Variants in PEPD observed in about 807,000 individuals in gnomAD.
The protein encoded by PEPD is peptidase D.
A neutral mutation model predicts 60.7 loss-of-function variants in PEPD; 53 were observed. The observed-to-expected ratio is 0.87, with a 90% CI of 0.70 to 1.10. The LOEUF is 1.10. Among genes scored for constraint, PEPD ranks in the 50% least tolerant of loss-of-function variants. The pLI, the probability that PEPD is intolerant of heterozygous loss-of-function variation, is 0.00. For missense variants in PEPD, 711 were observed against 711.9 expected (o/e 1.00, Z 0.01); for synonymous variants, 267 against 284.1 (o/e 0.94, Z 0.60).
chr19:33,460,737 C>T (rs1969910442), intron 9 of PEPD, among the ~76,000 whole-genome samples: 1 of 152,114 alleles, frequency 6.6e-6, no homozygotes, highest in Admixed American at 6.5e-5. Context: ...CACGCTGACC[C>T]GATGCCACTC....
At chr19:33,489,041 C>CA (rs1970448341) in intron 6 of PEPD, among the ~76,000 whole-genome samples, 1 of 152,124 alleles carries the variant, frequency 6.6e-6, no homozygotes. Flanking sequence ...CCAGCCAGTC[C>CA]AGGGACCCAA....
Position 33,500,966 on chromosome 19 carries a change from G to A in PEPD, c.365C>T (p.Ala122Val), listed in dbSNP as rs868492842. The change falls in exon 4 of 15, where the codon GCC (alanine) becomes GTC (valine). Residue 122 changes from alanine (A) to valine (V), a missense_variant. By Grantham distance (64) the Ala-to-Val change is moderately conservative (BLOSUM62 0). Coordinates refer to ENST00000244137, the MANE Select transcript of PEPD (RefSeq NM_000285.4). ...HSKEHFKEKYAVDDVQYVDEI... is the reference protein window; with the variant it reads ...HSKEHFKEKYVVDDVQYVDEI... ...ATCTACGTACTGGACGTCGTCCACG[G>A]CATACTTCTCCTTGAAGTGCTCCTT... is the stretch of plus-strand genomic sequence containing the variant. The A allele has an allele frequency of 6.2e-7, 1 of 1,604,708 alleles. No homozygotes were observed. Among genetic ancestry groups the A allele is most frequent in the South Asian group, 1.1e-5 (1 of 90,876 alleles).
At chr19:33,453,872 T>C (rs1160202211) in intron 9 of PEPD, among the ~76,000 whole-genome samples, 1 of 152,208 alleles carries the variant, frequency 6.6e-6, no homozygotes, top group Non-Finnish European at 1.5e-5. Flanking sequence ...AACACTAGTC[T>C]CTGGGGACCA....
At chr19:33,408,308 T>A (rs771864381) in intron 11 of PEPD, among the ~76,000 whole-genome samples, 2 of 152,228 alleles carry the variant, frequency 1.3e-5, no homozygotes, top group Non-Finnish European at 2.9e-5. Context: ...GAAGTGGGCA[T>A]CAGGGCCTGG....
At chr19:33,483,597 C>T (rs1302403695) in intron 6 of PEPD, among the ~76,000 whole-genome samples, 1 of 152,180 alleles carries the variant, frequency 6.6e-6, no homozygotes, top group Non-Finnish European at 1.5e-5. Context: ...ATCACTTGAG[C>T]CCAGGAGTTC....
intron 9 of PEPD, among the ~76,000 whole-genome samples, chr19:33,423,699 A>T (rs1288507411): frequency 2.6e-5 from 4 of 152,160 alleles, no homozygotes. Flanking sequence ...TCCTTAAGGG[A>T]TTTATACAGG....
At chr19:33,414,034 A>G (rs1286632694) in intron 9 of PEPD, among the ~76,000 whole-genome samples, 2 of 152,182 alleles carry the variant, frequency 1.3e-5, no homozygotes, top group Non-Finnish European at 2.9e-5. Context: ...GGAGGAAGTG[A>G]TTCCCTGTGA....
intron 9 of PEPD, among the ~76,000 whole-genome samples, chr19:33,446,496 C>A (rs1490046087): frequency 1.3e-5 from 2 of 152,216 alleles, no homozygotes; most frequent in Non-Finnish European, 2.9e-5. Context: ...GGGATCATGA[C>A]ACTTGCCCAG....
chr19:33,393,018 G>A (rs1968262646), intron 12 of PEPD, among the ~76,000 whole-genome samples: 1 of 152,144 alleles, frequency 6.6e-6, no homozygotes, highest in Non-Finnish European at 1.5e-5. Flanking sequence ...ACAGCACAGC[G>A]CCCCAGCCAC....
At chr19:33,395,554 C>A (rs1968339851) in intron 12 of PEPD, among the ~76,000 whole-genome samples, 1 of 152,176 alleles carries the variant, frequency 6.6e-6, no homozygotes, top group African/African-American at 2.4e-5. Flanking sequence ...CAGGTGTGGC[C>A]AGCGTAGCCC....
Position 33,511,101 on chromosome 19 carries a change from T to C in PEPD, c.256A>G (p.Ile86Val). Residue 86 changes from isoleucine (I) to valine (V), a missense_variant, in exon 3 of 15, where the codon ATC becomes GTC. Coordinates refer to ENST00000244137, the MANE Select transcript of PEPD (RefSeq NM_000285.4). Reference protein sequence around the residue: ...GVTEPGCYGVIDVDTGKSTLF... With the variant: ...GVTEPGCYGVVDVDTGKSTLF... ...GTCGACTTCCCAGTGTCAACATCGA[T>C]GACACCATAGCAGCCTGGCTCAGTG... is the stretch of plus-strand genomic sequence containing the variant. 6.2e-7 allele frequency: 1 copy of C among 1,614,050 alleles called. No homozygotes were observed. The highest frequency in any genetic ancestry group is 8.5e-7 in the Non-Finnish European group (1 of 1,179,922).
intron 4 of PEPD, among the ~76,000 whole-genome samples, chr19:33,498,928 C>A (rs1375484877): frequency 6.6e-6 from 1 of 152,170 alleles, no homozygotes; most frequent in Non-Finnish European, 1.5e-5. Context: ...CCCCAGGCTG[C>A]CCCTCCAGGT....
chr19:33,483,842 G>GA (rs1970352330), intron 6 of PEPD, among the ~76,000 whole-genome samples: 2 of 151,860 alleles, frequency 1.3e-5, no homozygotes, highest in East Asian at 1.9e-4. Flanking sequence ...CTTTAAAAAA[G>GA]AAAAAAAGAC....
chr19:33,428,934 G>A (rs1483373870), intron 9 of PEPD, among the ~76,000 whole-genome samples: 1 of 152,170 alleles, frequency 6.6e-6, no homozygotes, highest in Non-Finnish European at 1.5e-5. Context: ...ACAGGCAGCC[G>A]AAACCCTGTC....
intron 9 of PEPD, among the ~76,000 whole-genome samples, chr19:33,438,667 C>G (rs933641908): frequency 6.6e-6 from 1 of 152,262 alleles, no homozygotes; most frequent in Non-Finnish European, 1.5e-5. Flanking sequence ...CTCCTCGGAG[C>G]TGAACTGTGA....
At chr19:33,443,969 C>T (rs951378470) in intron 9 of PEPD, among the ~76,000 whole-genome samples, 3 of 151,792 alleles carry the variant, frequency 2.0e-5, no homozygotes, top group African/African-American at 4.9e-5. Context: ...CAAGTGCACG[C>T]GCGTGCGCGC....
intron 3 of PEPD, among the ~76,000 whole-genome samples, chr19:33,503,985 C>G (rs958319346): frequency 4.6e-5 from 7 of 152,164 alleles, no homozygotes; most frequent in Non-Finnish European, 1.0e-4. Context: ...TCCCGCCCCT[C>G]CTGCCAAAAA....
chr19:33,516,061 T>G (rs1971017195), intron 1 of PEPD, among the ~76,000 whole-genome samples: 1 of 152,114 alleles, frequency 6.6e-6, no homozygotes, highest in Non-Finnish European at 1.5e-5. Context: ...ACCCACCCTG[T>G]GCAGGGCTCT....
chr19:33,436,368 G>A (rs928960230), intron 9 of PEPD, among the ~76,000 whole-genome samples: 8 of 152,120 alleles, frequency 5.3e-5, no homozygotes, highest in East Asian at 3.9e-4. Context: ...AGAGGCAGGC[G>A]GGAGCCGTCC....
Sources: gnomAD v4.1 joint callset for allele counts (sites outside exome capture counted in the v4.1 genomes callset) on GRCh38, gnomAD v4.1.1 for gene constraint, MANE v1.5 for transcripts, NCBI Gene and HGNC (gene_info 2026-07-23, HGNC 2026-07-21) for gene names.